Variants in CNTN4 observed in about 807,000 individuals in gnomAD.
CNTN4 encodes the protein contactin-4.
CNTN4 carries 77 observed loss-of-function variants against 122.5 expected under a neutral mutation model. That is an observed-to-expected ratio of 0.63 (90% confidence interval 0.52 to 0.76). The LOEUF (loss-of-function observed/expected upper bound fraction) is 0.76, where lower values mean the gene tolerates loss of function less well. CNTN4 is among the 30% of genes least tolerant of loss of function. The pLI, the probability that CNTN4 is intolerant of heterozygous loss-of-function variation, is 0.00. For synonymous variants in CNTN4, 512 were observed against 447.0 expected, an observed-to-expected ratio of 1.15 and a Z score of -1.83; for missense variants, 1,256 against 1,259.1, an observed-to-expected ratio of 1.00 and a Z score of 0.04.
At chr3:2,315,208 C>CA (rs1226893821) in intron 2 of CNTN4, among the ~76,000 whole-genome samples, 1 of 113,068 alleles carries the variant, frequency 8.8e-6, no homozygotes, top group Non-Finnish European at 2.2e-5. Flanking sequence ...AAATCAGCTC[C>CA]ATTTTTTTTT....
intron 2 of CNTN4, among the ~76,000 whole-genome samples, chr3:2,258,253 A>C (rs187146368): frequency 1.8e-3 from 267 of 152,322 alleles, no homozygotes; most frequent in Admixed American, 4.3e-3. Context: ...CTATATACCC[A>C]AAGCATTATA....
chr3:2,641,533 A>C (rs1380383493), intron 4 of CNTN4, among the ~76,000 whole-genome samples: 2 of 152,172 alleles, frequency 1.3e-5, no homozygotes, highest in African/African-American at 4.8e-5. Flanking sequence ...CATCAACTTG[A>C]TTCCCTCCCA....
At chr3:2,500,586 C>T (rs932968019) in intron 3 of CNTN4, among the ~76,000 whole-genome samples, 2 of 151,944 alleles carry the variant, frequency 1.3e-5, no homozygotes, top group African/African-American at 4.8e-5. Context: ...TTTTTCTCTC[C>T]ATCTTGGGTA....
At chr3:2,339,981 C>G (rs1446468857) in intron 3 of CNTN4, among the ~76,000 whole-genome samples, 1 of 152,192 alleles carries the variant, frequency 6.6e-6, no homozygotes, top group Non-Finnish European at 1.5e-5. Flanking sequence ...TCAGTCAAAT[C>G]TCTGCCTCTA....
At position 2,340,710 on chromosome 3, in the gene CNTN4, T is replaced by TATATATAGAGAGAGAGAGAG; in HGVS notation, c.-89+1478_-89+1479insTATATAGAGAGAGAGAGAGA. On this transcript the variant is annotated intron_variant, in intron 3 of 24. Coordinates refer to ENST00000418658, the MANE Select transcript of CNTN4 (RefSeq NM_175607.3). ...TTATATATATATATATATATATATA[T>TATATATAGAGAGAGAGAGAG]AGAGAGAGAGAGAGAGAGAGAGAGA... Among the ~76,000 whole-genome samples the TATATATAGAGAGAGAGAGAG allele has an allele frequency of 4.4e-4, 8 of 18,304 alleles. 1 individual carries two copies. The highest frequency in any genetic ancestry group is 1.2e-3 in the Admixed American group (1 of 850). 12.0% of individuals were successfully genotyped at this position (18,304 alleles called of 152,430 possible). A position where few individuals can be genotyped will look rare whatever the true frequency, so the allele number is the denominator to read the frequency against.
rs1173699581 is a variant in CNTN4 at position 2,385,189 on chromosome 3, ACT to A, written c.-89+45959_-89+45960del. 6.6e-6 allele frequency among the ~76,000 whole-genome samples: 1 copy of A among 150,690 alleles called. No homozygotes were observed. The highest frequency in any genetic ancestry group is 2.4e-5 in the African/African-American group (1 of 40,886). ...CTCATATCAACAAGGTTAATCCCAA[ACT>A]CTTTTTAAAAATAATCTGTCTACTA... On this transcript the variant is annotated intron_variant, in intron 3 of 24. Transcript: ENST00000418658. The surrounding 1 kb of genome is among the most constrained non-coding windows in gnomAD (Gnocchi z 4.0).
chr3:2,255,619 T>A (rs892955187), intron 2 of CNTN4, among the ~76,000 whole-genome samples: 1 of 152,106 alleles, frequency 6.6e-6, no homozygotes, highest in Non-Finnish European at 1.5e-5. Flanking sequence ...AAATTAGAAC[T>A]CAGGATTAAG....
chr3:2,223,958 G>C (rs1393043000), intron 2 of CNTN4, among the ~76,000 whole-genome samples: 3 of 152,110 alleles, frequency 2.0e-5, no homozygotes, highest in Admixed American at 1.3e-4. Context: ...GGGCTTCTTG[G>C]GGGGCAGGTA....
chr3:2,330,053 T>A (rs1171393446), intron 2 of CNTN4, among the ~76,000 whole-genome samples: 1 of 152,166 alleles, frequency 6.6e-6, no homozygotes, highest in Non-Finnish European at 1.5e-5. Flanking sequence ...CAGTCCTAAA[T>A]CGGGCTCCCC....
chr3:2,887,386 G>T (rs773763472), intron 10 of CNTN4, among the ~76,000 whole-genome samples, 162 bp downstream of exon 10: 20 of 152,056 alleles, frequency 1.3e-4, no homozygotes, highest in Non-Finnish European at 1.6e-4. Flanking sequence ...GATTCTGGGT[G>T]TGGAGAGTGA....
chr3:2,710,131 C>G (rs1220389330), intron 4 of CNTN4, among the ~76,000 whole-genome samples: 1 of 152,130 alleles, frequency 6.6e-6, no homozygotes, highest in Admixed American at 6.6e-5. Context: ...ATGAAAATGT[C>G]TTATGAGCAT....
chr3:2,568,993 C>A (rs1428257349), intron 3 of CNTN4, among the ~76,000 whole-genome samples: 2 of 152,112 alleles, frequency 1.3e-5, no homozygotes, highest in East Asian at 3.9e-4. Flanking sequence ...ATTATTAATA[C>A]CCTGATCATT....
intron 13 of CNTN4, chr3:2,927,306 A>T: frequency 2.2e-6 from 1 of 454,682 alleles, no homozygotes; most frequent in Non-Finnish European, 4.4e-6. Flanking sequence ...AGTGTACATC[A>T]GGGGTTTGGT....
intron 5 of CNTN4, among the ~76,000 whole-genome samples, chr3:2,742,755 A>G (rs2149532108): frequency 6.6e-6 from 1 of 152,294 alleles, no homozygotes; most frequent in South Asian, 2.1e-4. Context: ...GCTCCAAATG[A>G]GCATTGCCTC....
At chr3:2,722,299 C>T (rs142771508) in intron 4 of CNTN4, among the ~76,000 whole-genome samples, 17 of 152,344 alleles carry the variant, frequency 1.1e-4, no homozygotes, top group Non-Finnish European at 2.1e-4. Flanking sequence ...TTCTCTCTGT[C>T]TATCCTCAGT....
intron 3 of CNTN4, among the ~76,000 whole-genome samples, chr3:2,440,890 T>G (rs370392076): frequency 8.1e-5 from 12 of 147,766 alleles, no homozygotes; most frequent in East Asian, 1.9e-4. Context: ...TGTATATATA[T>G]ATACATGTAT....
intron 6 of CNTN4, among the ~76,000 whole-genome samples, chr3:2,776,274 C>CTTTT (rs10575193): frequency 7.5e-6 from 1 of 134,194 alleles, no homozygotes; most frequent in African/African-American, 2.8e-5. Flanking sequence ...ATAAGTGTTT[C>CTTTT]TTTTTTTTTT....
At chr3:2,932,989 A>AT (rs1190059653) in intron 13 of CNTN4, among the ~76,000 whole-genome samples, 2 of 151,750 alleles carry the variant, frequency 1.3e-5, no homozygotes, top group African/African-American at 2.4e-5. Context: ...TGCCCGGCTA[A>AT]TTTTTTGTAT....
At chr3:2,584,857 G>A (rs2080112243) in intron 4 of CNTN4, among the ~76,000 whole-genome samples, 1 of 151,834 alleles carries the variant, frequency 6.6e-6, no homozygotes, top group Middle Eastern at 3.2e-3. Context: ...ACTGTATCTT[G>A]TTCTCTACAG....
Sources: gnomAD v4.1 joint callset for allele counts (sites outside exome capture counted in the v4.1 genomes callset) on GRCh38, gnomAD v4.1.1 for gene constraint, Gnocchi (gnomAD v3.1) non-coding constraint, MANE v1.5 for transcripts, NCBI Gene and HGNC (gene_info 2026-07-23, HGNC 2026-07-21) for gene names.